Variants in LMCD1 observed in about 807,000 individuals in gnomAD.
LMCD1 encodes the protein LIM and cysteine rich domains 1.
In LMCD1, 32 loss-of-function variants were observed where a neutral mutation model predicts 42.7. The ratio of observed to expected loss-of-function variants is 0.75; its 90% confidence interval spans 0.57 to 1.01. LMCD1 has a LOEUF of 1.01. Among genes scored for constraint, LMCD1 ranks in the 50% least tolerant of loss-of-function variants. The pLI, the probability that LMCD1 is intolerant of heterozygous loss-of-function variation, is 0.00. For missense variants in LMCD1, 458 were observed against 483.1 expected, an observed-to-expected ratio of 0.95 and a Z score of 0.49; for synonymous variants, 178 against 184.9, an observed-to-expected ratio of 0.96 and a Z score of 0.30.
At chr3:8,502,304 A>ATTATATAAAAT (rs1491354239) in intron 1 of LMCD1, among the ~76,000 whole-genome samples, 1 of 12,366 alleles carries the variant, frequency 8.1e-5, no homozygotes, top group African/African-American at 3.3e-4. Flanking sequence ...TATTATATAT[A>ATTATATAAAAT]ATATATAAAA....
chr3:8,502,876 G>A (rs540241874), intron 1 of LMCD1, among the ~76,000 whole-genome samples: 9 of 152,248 alleles, frequency 5.9e-5, no homozygotes, highest in African/African-American at 2.2e-4. Flanking sequence ...GACAACCTAG[G>A]CTTTACAGAT....
At chr3:8,545,874 A>C (rs545421353) in intron 3 of LMCD1, among the ~76,000 whole-genome samples, 2 of 152,316 alleles carry the variant, frequency 1.3e-5, no homozygotes, top group East Asian at 3.9e-4. Flanking sequence ...GGTGGCTCAC[A>C]CCTGTAATCC....
chr3:8,546,959 T>C (rs1256590763), intron 3 of LMCD1, among the ~76,000 whole-genome samples: 1 of 152,224 alleles, frequency 6.6e-6, no homozygotes, highest in Non-Finnish European at 1.5e-5. Flanking sequence ...TCTTTGGTGA[T>C]AGAGGCAAAC....
chr3:8,550,756 C>T, intron 4 of LMCD1: 1 of 985,176 alleles, frequency 1.0e-6, no homozygotes, highest in Non-Finnish European at 1.2e-6. Flanking sequence ...ATCCTGGCTT[C>T]TGTCCACCCT....
At chr3:8,559,286 G>A (rs1289124419) in intron 4 of LMCD1, among the ~76,000 whole-genome samples, 1 of 152,120 alleles carries the variant, frequency 6.6e-6, no homozygotes, top group African/African-American at 2.4e-5. Flanking sequence ...GTCATTTTAG[G>A]AAAGTGGTTT....
chr3:8,505,583 AG>A (rs1379666471), intron 1 of LMCD1, among the ~76,000 whole-genome samples: 1 of 152,250 alleles, frequency 6.6e-6, no homozygotes, highest in Non-Finnish European at 1.5e-5. Context: ...AAAGAGAGCT[AG>A]GAACCTGTTC....
intron 3 of LMCD1, among the ~76,000 whole-genome samples, chr3:8,547,425 AT>A (rs1332859030): frequency 6.6e-6 from 1 of 152,186 alleles, no homozygotes; most frequent in East Asian, 1.9e-4. Flanking sequence ...TAAATATACT[AT>A]TGTCTGGAAC....
intron 3 of LMCD1, among the ~76,000 whole-genome samples, chr3:8,546,656 A>AG (rs201699764): frequency 0.02 from 3,003 of 149,586 alleles, 55 homozygotes; most frequent in Non-Finnish European, 0.025. Context: ...CAAATACACT[A>AG]GGAATGGTTA....
At chr3:8,560,780 A>C (rs1695020515) in intron 4 of LMCD1, among the ~76,000 whole-genome samples, 2 of 152,180 alleles carry the variant, frequency 1.3e-5, no homozygotes, top group Non-Finnish European at 2.9e-5. Context: ...AATCATGTGA[A>C]GAGGAACAGG....
intron 4 of LMCD1, among the ~76,000 whole-genome samples, chr3:8,556,146 C>T (rs1292771726): frequency 6.6e-6 from 1 of 152,190 alleles, no homozygotes; most frequent in Non-Finnish European, 1.5e-5. Flanking sequence ...ATGCCAGGCA[C>T]TGTGCCAGAT....
At position 8,567,748 on chromosome 3, in the gene LMCD1, T is replaced by C. The variant is rs1445247074; in HGVS notation, c.*150T>C. 1.6e-6 allele frequency: 1 copy of C among 617,910 alleles called. No homozygotes were observed. The highest frequency in any genetic ancestry group is 2.5e-6 in the Non-Finnish European group (1 of 394,624). 38.3% of individuals were successfully genotyped at this position (617,910 alleles called of 1,614,324 possible). ...AGTGAGAATATATATATGAGATATA[T>C]ATAGATATATATTCTAGGTTGGGTG... On this transcript the variant is annotated 3_prime_UTR_variant, in exon 6 of 6. Coordinates refer to ENST00000157600, the MANE Select transcript of LMCD1 (RefSeq NM_014583.4).
intron 1 of LMCD1, chr3:8,514,872 G>A (rs1185084858): frequency 8.9e-6 from 4 of 450,666 alleles, no homozygotes; most frequent in Non-Finnish European, 1.8e-5. Flanking sequence ...TGAATAGAAA[G>A]TGGCCTGAGG....
chr3:8,515,410 T>C (rs1694079553), intron 1 of LMCD1, among the ~76,000 whole-genome samples: 1 of 152,208 alleles, frequency 6.6e-6, no homozygotes, highest in Admixed American at 6.5e-5. Flanking sequence ...TCTGACTAAG[T>C]TCTCTGTCCT....
intron 1 of LMCD1, among the ~76,000 whole-genome samples, chr3:8,511,550 G>A (rs1183112030): frequency 6.6e-6 from 1 of 152,188 alleles, no homozygotes; most frequent in Non-Finnish European, 1.5e-5. Context: ...GTCAAGAAAG[G>A]CGTCCCAAAG....
chr3:8,551,426 C>T (rs1371862904), intron 4 of LMCD1, among the ~76,000 whole-genome samples: 1 of 152,178 alleles, frequency 6.6e-6, no homozygotes, highest in African/African-American at 2.4e-5. Context: ...TTAATTCTTA[C>T]AGTTGTCTGG....
intron 4 of LMCD1, among the ~76,000 whole-genome samples, chr3:8,555,481 T>A (rs930385706): frequency 3.9e-5 from 6 of 152,088 alleles, no homozygotes; most frequent in Admixed American, 6.5e-5. Context: ...GAATCCCTGC[T>A]CCCCACAGTC....
chr3:8,564,960 T>A (rs1695100486), intron 4 of LMCD1, among the ~76,000 whole-genome samples: 1 of 152,226 alleles, frequency 6.6e-6, no homozygotes, highest in African/African-American at 2.4e-5. Flanking sequence ...TATAAAACAA[T>A]GTCTTAAAAT....
At chr3:8,511,487 T>C (rs1010197836) in intron 1 of LMCD1, among the ~76,000 whole-genome samples, 1 of 152,184 alleles carries the variant, frequency 6.6e-6, no homozygotes, top group Non-Finnish European at 1.5e-5. Flanking sequence ...TCGGGGTACA[T>C]GTGTGGGACT....
intron 5 of LMCD1, among the ~76,000 whole-genome samples, chr3:8,566,127 A>G (rs2125041605): frequency 6.6e-6 from 1 of 152,214 alleles, no homozygotes; most frequent in East Asian, 1.9e-4. Flanking sequence ...CTGACCTAGG[A>G]ACTTATAAAT....
Sources: allele counts gnomAD v4.1 joint callset (sites outside exome capture counted in the v4.1 genomes callset), GRCh38; gene constraint gnomAD v4.1.1; transcripts MANE v1.5; gene names NCBI Gene and HGNC (gene_info 2026-07-23, HGNC 2026-07-21).